Variants in FANCA observed in about 807,000 individuals in gnomAD.
FANCA encodes FA complementation group A.
Under a neutral mutation model 194.3 loss-of-function variants are expected in FANCA, and 236 were observed. The observed-to-expected ratio is 1.21, with a 90% CI of 1.09 to 1.35. The LOEUF (loss-of-function observed/expected upper bound fraction) is 1.35, where lower values mean the gene tolerates loss of function less well. Ranked by LOEUF, FANCA falls within the 40% of genes most tolerant of loss-of-function variation. The pLI is 0.00. For missense variants in FANCA, 2,628 were observed against 1,813.9 expected (o/e 1.45, Z -8.15); for synonymous variants, 1,014 against 715.8 (o/e 1.42, Z -6.65).
At position 89,782,569 on chromosome 16, in the gene FANCA, C is replaced by T. The variant is rs371539729; in HGVS notation, c.1626+290G>A. On this transcript the variant is annotated intron_variant, in intron 17 of 42. Transcript: ENST00000389301. ...TTCAGAGAAAAACATGACGAACCAC[C>T]TCTCCATTCAACCCCACAGGAACCA... Among the ~76,000 whole-genome samples the T allele has an allele frequency of 6.4e-4, 97 of 152,226 alleles. 1 individual carries two copies. The highest frequency in any genetic ancestry group is 2.1e-3 in the African/African-American group (87 of 41,552).
intron 23 of FANCA, 60 bp from the exon 24 acceptor site, chr16:89,770,694 G>T (rs1465152690): frequency 1.2e-5 from 17 of 1,407,666 alleles, no homozygotes; most frequent in Admixed American, 2.0e-5. Context: ...CAGGAAGGAA[G>T]CCGGCCAGCG....
Position 89,739,458 on chromosome 16 carries a change from A to G in FANCA, c.4010+20T>C. On this transcript the variant is annotated intron_variant, in intron 40 of 42. Transcript: ENST00000389301. Reference sequence around the variant, plus strand: ...TGGGAAACACTGCCCAGCCCTGACCAGCCCTGTGGGTGGAGGTACCTGTAA... The same window carrying G: ...TGGGAAACACTGCCCAGCCCTGACCGGCCCTGTGGGTGGAGGTACCTGTAA... The G allele has an allele frequency of 1.3e-6, 2 of 1,552,140 alleles. No individual in the cohort carries two copies. The highest frequency in any genetic ancestry group is 2.7e-5 in the African/African-American group (2 of 73,244).
At chr16:89,753,151 T>A (rs2038654777) in intron 30 of FANCA, among the ~76,000 whole-genome samples, 3 of 152,200 alleles carry the variant, frequency 2.0e-5, no homozygotes, top group Admixed American at 2.0e-4. Flanking sequence ...TCTCTCTGTC[T>A]CCTCTCCCTC....
At chr16:89,808,458 C>A in intron 5 of FANCA, 91 bp from the exon 6 acceptor site, 2 of 1,323,240 alleles carry the variant, frequency 1.5e-6, no homozygotes, top group South Asian at 1.2e-5. Context: ...ACAAAATGTT[C>A]AACTTAGGTT....
At chr16:89,813,873 C>G (rs1370781343) in intron 3 of FANCA, among the ~76,000 whole-genome samples, 2 of 151,450 alleles carry the variant, frequency 1.3e-5, no homozygotes, top group Non-Finnish European at 2.9e-5. Context: ...ATATCTTTAG[C>G]AGAAAAAAAC....
intron 29 of FANCA, among the ~76,000 whole-genome samples, chr16:89,758,929 C>G (rs777074451): frequency 6.6e-5 from 10 of 152,052 alleles, no homozygotes; most frequent in Non-Finnish European, 1.2e-4. Context: ...TTTGTGACCC[C>G]ACCTTCCACG....
intron 14 of FANCA, among the ~76,000 whole-genome samples, chr16:89,787,137 T>C (rs1035965714): frequency 2.6e-5 from 4 of 152,168 alleles, no homozygotes; most frequent in African/African-American, 9.7e-5. Context: ...TTGAAAAAAT[T>C]ACACTTAATG....
In FANCA at chr16:89,770,346, G is replaced by T. The variant is rs1044854844; in HGVS notation, c.2223-87C>A. 11 of 1,275,394 alleles carry T rather than the reference G, an allele frequency of 8.6e-6. No individual in the cohort carries two copies. The African/African-American group carries it at 1.0e-4, about 12-fold the overall frequency. The allele number at this position is 1,275,394 out of a possible 1,614,324, so 79.0% of individuals were successfully genotyped here. The stretch of plus-strand genomic sequence containing the variant: ...GCTAATCCAACCACCAGCGGCCGAA[G>T]AAAGAGCCAAGCTGTTCCCCAAAAC... On this transcript the variant is annotated intron_variant, in intron 24 of 42. Transcript: ENST00000389301.
intron 8 of FANCA, among the ~76,000 whole-genome samples, chr16:89,802,521 C>T (rs2040491443): frequency 6.6e-6 from 1 of 152,214 alleles, no homozygotes; most frequent in Admixed American, 6.5e-5. Flanking sequence ...CCTGCCTCAG[C>T]CTCCTGAGTG....
chr16:89,787,669 G>A (rs1007815662), intron 14 of FANCA, among the ~76,000 whole-genome samples: 1 of 151,966 alleles, frequency 6.6e-6, no homozygotes, highest in Non-Finnish European at 1.5e-5. Context: ...CTGGAAGGTT[G>A]AGACTGCAGT....
chr16:89,774,717 G>C (rs12934857), intron 21 of FANCA, among the ~76,000 whole-genome samples: 3 of 51,100 alleles, frequency 5.9e-5, no homozygotes, highest in Admixed American at 2.7e-4. Flanking sequence ...GCAACAGAGC[G>C]AGACTCTGTC....
intron 29 of FANCA, among the ~76,000 whole-genome samples, chr16:89,761,367 C>A (rs532051010): frequency 1.4e-5 from 2 of 145,796 alleles, no homozygotes; most frequent in South Asian, 2.2e-4. Flanking sequence ...TGCAGTGAGC[C>A]GAGATCGCGC....
At chr16:89,779,829 C>CA in intron 18 of FANCA, 40 bp downstream of exon 18, 1 of 1,560,286 alleles carries the variant, frequency 6.4e-7, no homozygotes. Flanking sequence ...GGTCTGCACA[C>CA]ACTGCAGCTG....
chr16:89,770,454 C>G (rs1301612737), intron 24 of FANCA, 110 bp downstream of exon 24: 1 of 1,132,378 alleles, frequency 8.8e-7, no homozygotes, highest in Non-Finnish European at 1.3e-6. Context: ...TCAGCATCGC[C>G]GCATGCTCCT....
intron 28 of FANCA, among the ~76,000 whole-genome samples, chr16:89,762,431 A>G (rs1415318462): frequency 6.6e-6 from 1 of 152,078 alleles, no homozygotes; most frequent in Non-Finnish European, 1.5e-5. Flanking sequence ...CCGTCTCTAC[A>G]AAAGATTTAA....
chr16:89,785,230 C>T (rs914621783), intron 14 of FANCA, among the ~76,000 whole-genome samples: 5 of 152,152 alleles, frequency 3.3e-5, no homozygotes, highest in Non-Finnish European at 7.3e-5. Flanking sequence ...GTCACGACTG[C>T]GCTTTGACTG....
At chr16:89,814,693 A>G in intron 2 of FANCA, 80 bp from the exon 3 acceptor site, 2 of 1,042,452 alleles carry the variant, frequency 1.9e-6, no homozygotes, top group Non-Finnish European at 3.0e-6. Context: ...CTGTAATCCC[A>G]GTACTTTGGG....
rs1015551647 is a variant in FANCA at position 89,805,344 on chromosome 16, G to A, written c.645C>T (p.Cys215=). ...AVGSWLFRNL[C]CLCEQMEASC... is the part of the protein sequence containing the mutation. ...ATGCTTCCATCTGTTCACAAAGGCA[G>A]CACAGATTCCTGAAGAGCCACGATC... is the stretch of plus-strand genomic sequence containing the variant. Residue 215 remains cysteine (C), a synonymous_variant, in exon 7 of 43, where the codon TGC becomes TGT. Coordinates refer to ENST00000389301, the MANE Select transcript of FANCA (RefSeq NM_000135.4). 1 of 1,613,960 alleles carries A rather than the reference G, an allele frequency of 6.2e-7. No individual in the cohort carries two copies. The highest frequency in any genetic ancestry group is 8.5e-7 in the Non-Finnish European group (1 of 1,179,970).
intron 24 of FANCA, 129 bp from the exon 25 acceptor site, chr16:89,770,388 G>A: frequency 4.7e-6 from 5 of 1,055,928 alleles, no homozygotes; most frequent in African/African-American, 1.6e-5. Flanking sequence ...CTTTCTGGAA[G>A]ACAACCCATC....
Sources: gnomAD v4.1 joint callset for allele counts (sites outside exome capture counted in the v4.1 genomes callset) on GRCh38, gnomAD v4.1.1 for gene constraint, MANE v1.5 for transcripts, NCBI Gene and HGNC (gene_info 2026-07-23, HGNC 2026-07-21) for gene names.